The following THRAP3 variants were observed in gnomAD, a reference collection of about 807,000 sequenced individuals.
THRAP3 encodes thyroid hormone receptor-associated protein 3.
THRAP3 carries 16 observed loss-of-function variants against 101.0 expected under a neutral mutation model. The observed-to-expected ratio is 0.16, with a 90% CI of 0.11 to 0.24. The LOEUF (loss-of-function observed/expected upper bound fraction) is 0.24, where lower values mean the gene tolerates loss of function less well. Ranked by LOEUF, THRAP3 falls within the 10% of genes least tolerant of loss-of-function variation. The pLI, the probability that THRAP3 is intolerant of heterozygous loss-of-function variation, is 1.00. For missense variants in THRAP3, 989 were observed against 1,202.7 expected (o/e 0.82, Z 2.63); for synonymous variants, 407 against 422.6 (o/e 0.96, Z 0.45).
At chr1:36,302,977 T>C (rs1262147369) in intron 11 of THRAP3, among the ~76,000 whole-genome samples, 2 of 152,084 alleles carry the variant, frequency 1.3e-5, no homozygotes, top group South Asian at 2.1e-4. Flanking sequence ...AGCCCCAACA[T>C]TGGATTCTGA....
chr1:36,248,992 C>T (rs1295091914), intron 1 of THRAP3, among the ~76,000 whole-genome samples: 1 of 151,608 alleles, frequency 6.6e-6, no homozygotes, highest in African/African-American at 2.4e-5. Context: ...CCTCTTTCTC[C>T]TGGGTTCAAA....
the THRAP3 span, among the ~76,000 whole-genome samples, chr1:36,218,729 A>C: frequency 6.6e-6 from 1 of 150,996 alleles, no homozygotes; most frequent in Admixed American, 6.6e-5. Flanking sequence ...TTCAAAAAAA[A>C]AGGAAATTAA....
chr1:36,255,838 AT>A (rs1217067829), intron 1 of THRAP3, among the ~76,000 whole-genome samples: 2 of 151,982 alleles, frequency 1.3e-5, no homozygotes, highest in Non-Finnish European at 2.9e-5. Flanking sequence ...GGAAAAAAAA[AT>A]TCAGTCTTGT....
intron 1 of THRAP3, among the ~76,000 whole-genome samples, chr1:36,246,517 G>A (rs1178089473): frequency 1.3e-5 from 2 of 152,184 alleles, no homozygotes; most frequent in African/African-American, 4.8e-5. Flanking sequence ...ACAGGTGTGA[G>A]CGACTGTGCC....
At chr1:36,257,432 T>C (rs1344441876) in intron 1 of THRAP3, among the ~76,000 whole-genome samples, 4 of 152,160 alleles carry the variant, frequency 2.6e-5, no homozygotes, top group Admixed American at 1.3e-4. Flanking sequence ...ATTAGTAATG[T>C]GTAGAAGGGA....
At chr1:36,301,144 G>A (rs1646026004) in intron 10 of THRAP3, 60 bp downstream of exon 10, 13 of 1,527,136 alleles carry the variant, frequency 8.5e-6, no homozygotes, top group African/African-American at 2.8e-5. Context: ...CTTTGATCAC[G>A]TTTCATCAGA....
At chr1:36,237,199 G>A (rs564231916) in intron 1 of THRAP3, among the ~76,000 whole-genome samples, 4 of 152,198 alleles carry the variant, frequency 2.6e-5, no homozygotes, top group Non-Finnish European at 4.4e-5. Context: ...CGGGCATGGT[G>A]GCTCATACCT....
At chr1:36,272,529 TA>T (rs1645604695) in intron 2 of THRAP3, among the ~76,000 whole-genome samples, 2 of 152,172 alleles carry the variant, frequency 1.3e-5, no homozygotes, top group African/African-American at 4.8e-5. Flanking sequence ...AAGAGTAAAA[TA>T]GTAAACATGT....
intron 2 of THRAP3, among the ~76,000 whole-genome samples, chr1:36,266,215 A>C (rs1279902172): frequency 1.3e-5 from 2 of 151,252 alleles, no homozygotes; most frequent in African/African-American, 4.9e-5. Flanking sequence ...GCTACTCAGG[A>C]GGCTGAGGTG....
At position 36,241,421 on chromosome 1, in the gene THRAP3, A is replaced by G. The variant is rs1182476124; in HGVS notation, c.-135+16916A>G. 2.8e-5 allele frequency among the ~76,000 whole-genome samples: 4 copies of G among 140,820 alleles called. No individual in the cohort carries two copies. In the East Asian group the frequency reaches 8.1e-4, roughly 28 times the overall value. The allele number at this position is 140,820 out of a possible 152,430, so 92.4% of individuals were successfully genotyped here. A position where few individuals can be genotyped will look rare whatever the true frequency, so the allele number is the denominator to read the frequency against. On this transcript the variant is annotated intron_variant, in intron 1 of 11. Transcript: ENST00000354618. ...TATATATATATATATATATATATAT[A>G]TATATATACACATATATAAATAAAT...
At chr1:36,213,907 AAG>A in the THRAP3 span, among the ~76,000 whole-genome samples, 3 of 101,706 alleles carry the variant, frequency 2.9e-5, no homozygotes, top group Non-Finnish European at 4.1e-5. Context: ...GAAAGAAGGA[AAG>A]AGAAAGAAAG....
At chr1:36,301,471 A>G in intron 10 of THRAP3, 82 bp from the exon 11 acceptor site, 1 of 1,534,392 alleles carries the variant, frequency 6.5e-7, no homozygotes, top group Non-Finnish European at 8.8e-7. Context: ...ACACCAGAAA[A>G]ATGTTTGAAC....
At chr1:36,252,508 G>A (rs1645315124) in intron 1 of THRAP3, among the ~76,000 whole-genome samples, 1 of 152,172 alleles carries the variant, frequency 6.6e-6, no homozygotes, top group Admixed American at 6.5e-5. Flanking sequence ...TTTCCAAAGG[G>A]TCAGATACTT....
At chr1:36,231,141 A>G (rs569267941) in intron 1 of THRAP3, among the ~76,000 whole-genome samples, 82 of 152,200 alleles carry the variant, frequency 5.4e-4, no homozygotes, top group African/African-American at 1.9e-3. Context: ...GCTGTCTTAC[A>G]TTATCATTGA....
At chr1:36,246,628 G>A (rs1489093586) in intron 1 of THRAP3, among the ~76,000 whole-genome samples, 1 of 152,050 alleles carries the variant, frequency 6.6e-6, no homozygotes, top group African/African-American at 2.4e-5. Flanking sequence ...AGATCACGAG[G>A]TCAGGAAATC....
At chr1:36,262,802 TA>T (rs1463868225) in intron 2 of THRAP3, among the ~76,000 whole-genome samples, 1 of 150,728 alleles carries the variant, frequency 6.6e-6, no homozygotes, top group Non-Finnish European at 1.5e-5. Context: ...TTATTATTAT[TA>T]TTTTTTTTGA....
chr1:36,213,977 GAAAGAAAGAAAGAAAGA>G, the THRAP3 span, among the ~76,000 whole-genome samples: 6 of 88,392 alleles, frequency 6.8e-5, no homozygotes. Flanking sequence ...GAGAAAGAAA[GAAAGAAAGAAAGAAAGA>G]AAGGAAAGAA....
At chr1:36,256,639 A>G (rs909298300) in intron 1 of THRAP3, among the ~76,000 whole-genome samples, 3 of 152,202 alleles carry the variant, frequency 2.0e-5, no homozygotes, top group African/African-American at 4.8e-5. Flanking sequence ...ATTTTGAAAC[A>G]TAATTATGCT....
chr1:36,297,444 A>ATTTT lies in THRAP3; in HGVS notation c.2303+693_2303+696dup, dbSNP rs764365723. ...TGATTTTGAACTTTAGCTGGCAAGC[A>ATTTT]TTTTTTTTTTTTTTTTTTTTTTGAG... is the stretch of plus-strand genomic sequence containing the variant. On this transcript the variant is annotated intron_variant, in intron 9 of 11. Coordinates refer to ENST00000354618, the MANE Select transcript of THRAP3 (RefSeq NM_005119.4). Among the ~76,000 whole-genome samples, 536 of 122,362 alleles carry ATTTT rather than the reference A, an allele frequency of 4.4e-3. 6 individuals are homozygous for ATTTT. The highest frequency in any genetic ancestry group is 0.016 in the African/African-American group (500 of 32,094). The allele number at this position is 122,362 out of a possible 152,430, so 80.3% of individuals were successfully genotyped here. A position where few individuals can be genotyped will look rare whatever the true frequency, so the allele number is the denominator to read the frequency against.
Sources: allele counts gnomAD v4.1 joint callset (sites outside exome capture counted in the v4.1 genomes callset), GRCh38; gene constraint gnomAD v4.1.1; transcripts MANE v1.5; gene names NCBI Gene and HGNC (gene_info 2026-07-23, HGNC 2026-07-21).